The following MAEL variants were observed in gnomAD, a reference collection of about 807,000 sequenced individuals.
MAEL encodes the protein maelstrom spermatogenic transposon silencer, also known as protein maelstrom homolog.
Under a neutral mutation model 62.0 loss-of-function variants are expected in MAEL, and 46 were observed. That is an observed-to-expected ratio of 0.74 (90% CI 0.59 to 0.95). The LOEUF (loss-of-function observed/expected upper bound fraction) is 0.95, where lower values mean the gene tolerates loss of function less well. MAEL is among the 40% of genes least tolerant of loss of function. MAEL has a pLI of 0.00. For missense variants in MAEL, 497 were observed against 526.8 expected (o/e 0.94, Z 0.55); for synonymous variants, 172 against 175.5 (o/e 0.98, Z 0.16).
At chr1:167,010,556 A>G (rs1328464186) in intron 8 of MAEL, among the ~76,000 whole-genome samples, 6 of 152,056 alleles carry the variant, frequency 3.9e-5, no homozygotes, top group Admixed American at 3.3e-4. Context: ...AGCAGTCCTC[A>G]TGCCTCAGTC....
chr1:166,981,246 A>C (rs1663750793), intron 1 of MAEL, among the ~76,000 whole-genome samples: 1 of 152,208 alleles, frequency 6.6e-6, no homozygotes, highest in African/African-American at 2.4e-5. Flanking sequence ...CCTTTTACAT[A>C]GAGATGATCA....
At chr1:166,989,266 CG>C, upstream of MAEL, 2 of 1,500,166 alleles carry the variant, frequency 1.3e-6, no homozygotes, top group Non-Finnish European at 1.8e-6. Flanking sequence ...CGTGCGCAGG[CG>C]CCTACCTCTG....
chr1:167,017,982 C>T (rs372283728), intron 10 of MAEL, 23 bp downstream of exon 10: 463 of 1,609,836 alleles, frequency 2.9e-4, no homozygotes, highest in Non-Finnish European at 3.6e-4. Flanking sequence ...CTTTTAAGAG[C>T]TGCTGGTCTC....
chr1:167,005,469 T>C, intron 8 of MAEL, 72 bp downstream of exon 8: 1 of 1,407,976 alleles, frequency 7.1e-7, no homozygotes, highest in East Asian at 2.4e-5. Context: ...GTAGGACTAT[T>C]TTTGCCTTTT....
chr1:167,019,050 C>A (rs1193874390), intron 10 of MAEL, among the ~76,000 whole-genome samples: 2 of 152,270 alleles, frequency 1.3e-5, no homozygotes, highest in Admixed American at 1.3e-4. Flanking sequence ...GTACTCTGGG[C>A]AAGACCCTTC....
At chr1:166,983,470 G>A (rs1008315526) in intron 1 of MAEL, among the ~76,000 whole-genome samples, 1 of 151,978 alleles carries the variant, frequency 6.6e-6, no homozygotes, top group African/African-American at 2.4e-5. Context: ...TCTTTCTCAA[G>A]CCCAGAACTC....
At chr1:166,975,831 T>G (rs1663559284) in intron 1 of MAEL, among the ~76,000 whole-genome samples, 1 of 151,838 alleles carries the variant, frequency 6.6e-6, no homozygotes, top group Admixed American at 6.6e-5. Context: ...GAACGCTGGC[T>G]GGGGACTCGA....
chr1:167,008,647 C>G (rs1665033388), intron 8 of MAEL, among the ~76,000 whole-genome samples: 1 of 151,714 alleles, frequency 6.6e-6, no homozygotes, highest in Non-Finnish European at 1.5e-5. Context: ...GTTTTGGGGG[C>G]TGGAAATGTA....
intron 5 of MAEL, among the ~76,000 whole-genome samples, chr1:166,996,510 AC>A (rs1664432993): frequency 6.6e-6 from 1 of 152,210 alleles, no homozygotes; most frequent in Admixed American, 6.5e-5. Flanking sequence ...AAGCTTCTAC[AC>A]ACAGAACAGA....
At chr1:167,008,877 C>T (rs1665044021) in intron 8 of MAEL, among the ~76,000 whole-genome samples, 1 of 151,916 alleles carries the variant, frequency 6.6e-6, no homozygotes. Flanking sequence ...TAGTAAATTC[C>T]AGTGTTTTTA....
At chr1:166,994,471 A>G (rs529350658) in intron 5 of MAEL, among the ~76,000 whole-genome samples, 1 of 152,120 alleles carries the variant, frequency 6.6e-6, no homozygotes, top group Non-Finnish European at 1.5e-5. Context: ...TAAGGAAAAC[A>G]GTTTTCTAAG....
rs559487190 is a variant in MAEL, at chr1:167,002,313, G to A, written c.524-1867G>A. On this transcript the variant is annotated intron_variant, in intron 5 of 11. Coordinates refer to ENST00000367872, the MANE Select transcript of MAEL (RefSeq NM_032858.3). ...ATTTTGAATTTGATTCTTTTTTATG[G>A]CTCTACAGAAATTACTAATATTGCC... 1.4e-3 allele frequency among the ~76,000 whole-genome samples: 206 copies of A among 152,082 alleles called. 1 individual carries two copies. Among genetic ancestry groups the A allele is most frequent in the Middle Eastern group, 3.4e-3 (1 of 294 alleles).
chr1:167,007,588 TGTGTGTGTGTATGTAC>T (rs2102105861), intron 8 of MAEL, among the ~76,000 whole-genome samples: 1 of 88,392 alleles, frequency 1.1e-5, no homozygotes, highest in Non-Finnish European at 2.3e-5. Context: ...TGTGTGTGTG[TGTGTGTGTGTATGTAC>T]ACACACACTC....
chr1:166,989,841 G>C lies in MAEL; in HGVS notation c.225+12G>C, dbSNP rs1220355829. 1 of 1,602,480 alleles carries C rather than the reference G, an allele frequency of 6.2e-7. No individual in the cohort carries two copies. The highest frequency in any genetic ancestry group is 1.7e-4 in the Middle Eastern group (1 of 5,974). On this transcript the variant is annotated intron_variant, in intron 2 of 11. Transcript: ENST00000367872. ...CCTCAGAGAAGCAGGTAAAGTTAAC[G>C]AGAGAAGAGCCGCCATCTGCCTGGC...
At chr1:166,992,597 C>A in intron 3 of MAEL, 89 bp from the exon 4 acceptor site, 1 of 945,364 alleles carries the variant, frequency 1.1e-6, no homozygotes, top group Non-Finnish European at 1.5e-6. Context: ...TGTTCTAAAA[C>A]ATTTTTTCCC....
At chr1:166,995,559 C>G (rs544548713) in intron 5 of MAEL, among the ~76,000 whole-genome samples, 1 of 151,892 alleles carries the variant, frequency 6.6e-6, no homozygotes, top group South Asian at 2.1e-4. Context: ...TCTTATATAG[C>G]TTTGAATGGA....
intron 5 of MAEL, among the ~76,000 whole-genome samples, chr1:166,995,490 T>C (rs886110974): frequency 6.6e-6 from 1 of 151,954 alleles, no homozygotes; most frequent in Non-Finnish European, 1.5e-5. Flanking sequence ...TCTGCCTGCC[T>C]CAGGCTCTCA....
At position 166,989,339 on chromosome 1, in the gene MAEL, T is replaced by G. The variant is rs755149922; in HGVS notation, c.-14T>G. 6.2e-7 allele frequency: 1 copy of G among 1,606,388 alleles called. No individual in the cohort carries two copies. Among genetic ancestry groups the G allele is most frequent in the Non-Finnish European group, 8.5e-7 (1 of 1,176,704 alleles). The stretch of plus-strand genomic sequence containing the variant: ...TTTGTTCTGTCTGAGGCCAGGAAGT[T>G]TGACCGCGCTGCCATGCCGAACCGT... On this transcript the variant is annotated 5_prime_UTR_variant, in exon 1 of 12. Coordinates refer to ENST00000367872, the MANE Select transcript of MAEL (RefSeq NM_032858.3).
intron 5 of MAEL, among the ~76,000 whole-genome samples, chr1:167,002,326 T>G (rs1233986939): frequency 1.3e-5 from 2 of 152,228 alleles, no homozygotes; most frequent in South Asian, 2.1e-4. Flanking sequence ...CTACAGAAAT[T>G]ACTAATATTG....
Sources: gnomAD v4.1 joint callset for allele counts (sites outside exome capture counted in the v4.1 genomes callset) on GRCh38, gnomAD v4.1.1 for gene constraint, MANE v1.5 for transcripts, NCBI Gene and HGNC (gene_info 2026-07-23, HGNC 2026-07-21) for gene names.